Variants in PSD3 observed in about 807,000 individuals in gnomAD.
PSD3 encodes the protein PH and SEC7 domain-containing protein 3.
PSD3 carries 49 observed loss-of-function variants against 105.5 expected under a neutral mutation model. The ratio of observed to expected loss-of-function variants is 0.46; its 90% confidence interval spans 0.37 to 0.59. PSD3 has a LOEUF of 0.59. PSD3 is among the 20% of genes least tolerant of loss of function. The pLI is 0.00. For missense variants in PSD3, 1,561 were observed against 1,263.8 expected (o/e 1.24, Z -3.57); for synonymous variants, 557 against 457.8 (o/e 1.22, Z -2.77).
At chr8:18,588,301 C>T (rs1257674311) in intron 12 of PSD3, among the ~76,000 whole-genome samples, 1 of 152,118 alleles carries the variant, frequency 6.6e-6, no homozygotes, top group Non-Finnish European at 1.5e-5. Flanking sequence ...TAGATATAGC[C>T]ATACAAGACA....
intron 2 of PSD3, among the ~76,000 whole-genome samples, chr8:18,885,389 T>G (rs1348770633): frequency 1.3e-5 from 2 of 152,280 alleles, no homozygotes; most frequent in African/African-American, 4.8e-5. Flanking sequence ...AACACATATA[T>G]GGTAAGATTA....
At chr8:18,763,139 A>G in intron 9 of PSD3, 2 of 438,744 alleles carry the variant, frequency 4.6e-6, no homozygotes, top group South Asian at 1.6e-5. Flanking sequence ...GAACAGACAT[A>G]AATCCAAATG....
intron 11 of PSD3, among the ~76,000 whole-genome samples, chr8:18,627,463 C>A (rs1210141261): frequency 6.6e-6 from 1 of 151,952 alleles, no homozygotes; most frequent in Admixed American, 6.6e-5. Flanking sequence ...GTGGGATGGA[C>A]AATTTCAAGG....
intron 4 of PSD3, among the ~76,000 whole-genome samples, chr8:18,842,225 T>C (rs2129451416): frequency 6.6e-6 from 1 of 152,358 alleles, no homozygotes; most frequent in East Asian, 1.9e-4. Flanking sequence ...ACAGCTACTC[T>C]ATGCGACATC....
chr8:18,775,286 A>G (rs748236078), intron 8 of PSD3, among the ~76,000 whole-genome samples: 7 of 152,168 alleles, frequency 4.6e-5, no homozygotes, highest in African/African-American at 9.7e-5. Context: ...GGTGAATTCC[A>G]TATCTTGGCT....
chr8:18,773,567 G>A (rs562808811), intron 8 of PSD3, among the ~76,000 whole-genome samples: 1 of 151,944 alleles, frequency 6.6e-6, no homozygotes, highest in African/African-American at 2.4e-5. Flanking sequence ...ACTTTGTATA[G>A]TATAATATAT....
intron 1 of PSD3, among the ~76,000 whole-genome samples, chr8:18,945,604 C>A (rs1822809525): frequency 6.6e-6 from 1 of 152,206 alleles, no homozygotes; most frequent in African/African-American, 2.4e-5. Flanking sequence ...CTATAGGAAA[C>A]CAATACAGAT....
chr8:18,671,886 C>T (rs1001643441), intron 9 of PSD3, among the ~76,000 whole-genome samples: 1 of 152,130 alleles, frequency 6.6e-6, no homozygotes, highest in Non-Finnish European at 1.5e-5. Context: ...CCGCCTTGGC[C>T]TCCCAAAGTG....
intron 12 of PSD3, among the ~76,000 whole-genome samples, chr8:18,576,940 C>T (rs183047657): frequency 1.7e-3 from 260 of 150,660 alleles, no homozygotes; most frequent in African/African-American, 5.4e-3. Flanking sequence ...TATCTTAATT[C>T]CTCTTCCCTA....
chr8:18,931,794 G>T (rs1219382568), intron 2 of PSD3, among the ~76,000 whole-genome samples: 1 of 152,202 alleles, frequency 6.6e-6, no homozygotes, highest in Non-Finnish European at 1.5e-5. Context: ...TGTTTACTCT[G>T]ATAGTGGTTG....
chr8:18,638,537 AAAAC>A (rs1361177230), intron 10 of PSD3, among the ~76,000 whole-genome samples: 4 of 125,006 alleles, frequency 3.2e-5, no homozygotes, highest in Admixed American at 1.5e-4. Flanking sequence ...AAAAGCATTA[AAAAC>A]AAACAAACAA....
chr8:18,797,702 T>C (rs1810311491), intron 8 of PSD3, among the ~76,000 whole-genome samples: 3 of 152,310 alleles, frequency 2.0e-5, no homozygotes, highest in African/African-American at 7.2e-5. Flanking sequence ...TAGGATTTAG[T>C]AGAAACAAAT....
chr8:18,707,872 A>G (rs1801996054), intron 9 of PSD3, among the ~76,000 whole-genome samples: 1 of 152,214 alleles, frequency 6.6e-6, no homozygotes, highest in African/African-American at 2.4e-5. Flanking sequence ...TCTTCCACAG[A>G]AGACAGGTCA....
intron 1 of PSD3, among the ~76,000 whole-genome samples, chr8:18,950,392 T>C (rs561843806): frequency 7.2e-5 from 11 of 152,336 alleles, no homozygotes; most frequent in African/African-American, 2.6e-4. Context: ...TCAGTGATTT[T>C]GAAATGTATA....
chr8:18,936,350 T>C (rs1192968826), intron 1 of PSD3, among the ~76,000 whole-genome samples: 2 of 152,076 alleles, frequency 1.3e-5, no homozygotes, highest in East Asian at 3.9e-4. Flanking sequence ...ATATAAAAAA[T>C]GTATACATAT....
chr8:18,633,039 TAGACTC>T (rs1272630273), intron 10 of PSD3, among the ~76,000 whole-genome samples: 2 of 151,998 alleles, frequency 1.3e-5, no homozygotes, highest in Non-Finnish European at 2.9e-5. Context: ...GATAAGGAAA[TAGACTC>T]AGTGAGTTTA....
At chr8:19,032,676 T>C (rs1827810613) in intron 1 of PSD3, among the ~76,000 whole-genome samples, 2 of 148,352 alleles carry the variant, frequency 1.3e-5, no homozygotes, top group Admixed American at 1.3e-4. Flanking sequence ...AAGAAAGGAA[T>C]CCAAGTTGAT....
At chr8:18,857,005 A>G (rs146471622) in intron 4 of PSD3, among the ~76,000 whole-genome samples, 468 of 152,292 alleles carry the variant, frequency 3.1e-3, no homozygotes, top group African/African-American at 0.011. Context: ...GCCACCAACC[A>G]TACGTTTCCT....
At chr8:18,964,996 G>T (rs939873002) in intron 1 of PSD3, among the ~76,000 whole-genome samples, 1 of 152,078 alleles carries the variant, frequency 6.6e-6, no homozygotes, top group Non-Finnish European at 1.5e-5. Context: ...ATTCTTCACT[G>T]AATCTCGGCT....
Sources: gnomAD v4.1 joint callset for allele counts (sites outside exome capture counted in the v4.1 genomes callset) on GRCh38, gnomAD v4.1.1 for gene constraint, MANE v1.5 for transcripts, NCBI Gene and HGNC (gene_info 2026-07-23, HGNC 2026-07-21) for gene names.